ASTN1: variants seen among roughly 807,000 people sequenced by gnomAD.
ASTN1 encodes astrotactin 1, also known as astrotactin-1.
ASTN1 carries 41 observed loss-of-function variants against 140.7 expected under a neutral mutation model. The observed-to-expected ratio is 0.29, with a 90% CI of 0.23 to 0.38. The LOEUF is 0.38. Among genes scored for constraint, ASTN1 ranks in the 10% least tolerant of loss-of-function variants. ASTN1 has a pLI of 1.00. For missense variants in ASTN1, 1,479 were observed against 1,678.8 expected, an observed-to-expected ratio of 0.88 and a Z score of 2.08; for synonymous variants, 640 against 652.2, an observed-to-expected ratio of 0.98 and a Z score of 0.29.
chr1:177,133,896 G>A (rs2102208635), intron 1 of ASTN1, among the ~76,000 whole-genome samples: 1 of 152,302 alleles, frequency 6.6e-6, no homozygotes, highest in African/African-American at 2.4e-5. Flanking sequence ...AATTCATTCA[G>A]ACATTTATTT....
intron 14 of ASTN1, among the ~76,000 whole-genome samples, chr1:176,938,613 G>A (rs1044338137): frequency 6.6e-6 from 1 of 152,178 alleles, no homozygotes; most frequent in Non-Finnish European, 1.5e-5. Context: ...GGATCTTTCA[G>A]TTCCCAGTTG....
intron 1 of ASTN1, among the ~76,000 whole-genome samples, chr1:177,149,778 G>A (rs1284573800): frequency 2.2e-5 from 2 of 92,914 alleles, no homozygotes; most frequent in Non-Finnish European, 3.8e-5. Context: ...TATATACATA[G>A]TAAATATATA....
rs142410832 is a variant in ASTN1, at chr1:177,052,192, C to T, written c.471+8886G>A. ...CCTCGGTCTTTTCCCTAAGCACAATCCTCTAGGACTCCTCTGAGAGGCTGC... is the reference window on the plus strand; with the variant it reads ...CCTCGGTCTTTTCCCTAAGCACAATTCTCTAGGACTCCTCTGAGAGGCTGC... On this transcript the variant is annotated intron_variant, in intron 2 of 22. Transcript: ENST00000361833. Among the ~76,000 whole-genome samples the T allele has an allele frequency of 3.3e-3, 502 of 152,244 alleles. 1 individual carries two copies. The highest frequency in any genetic ancestry group is 4.6e-3 in the Non-Finnish European group (312 of 68,026).
chr1:176,878,817 A>C (rs1668671371), intron 20 of ASTN1, among the ~76,000 whole-genome samples: 1 of 151,744 alleles, frequency 6.6e-6, no homozygotes, highest in South Asian at 2.1e-4. Context: ...TCCCCCTCAT[A>C]CCCGTGTTTC....
chr1:176,904,674 T>G (rs970648906), intron 16 of ASTN1, among the ~76,000 whole-genome samples: 8 of 152,140 alleles, frequency 5.3e-5, no homozygotes, highest in Admixed American at 5.2e-4. Context: ...CTTGGGAGGC[T>G]GAGCTGAGAA....
At chr1:177,158,558 A>G (rs1299365912) in intron 1 of ASTN1, among the ~76,000 whole-genome samples, 4 of 152,088 alleles carry the variant, frequency 2.6e-5, no homozygotes, top group South Asian at 4.1e-4. Flanking sequence ...TCCCTGCTGA[A>G]AAGTTGCCAG....
chr1:177,006,740 G>A (rs964659812), intron 8 of ASTN1, among the ~76,000 whole-genome samples: 22 of 152,058 alleles, frequency 1.4e-4, no homozygotes, highest in African/African-American at 5.3e-4. Context: ...AAGTCTCTTG[G>A]TGCCGTGACT....
At chr1:176,888,635 C>T (rs900425971) in intron 17 of ASTN1, among the ~76,000 whole-genome samples, 1 of 152,230 alleles carries the variant, frequency 6.6e-6, no homozygotes, top group Non-Finnish European at 1.5e-5. Context: ...TATCTACCTG[C>T]CCCAGTATTC....
At chr1:176,865,932 A>G (rs1668114956) in intron 22 of ASTN1, among the ~76,000 whole-genome samples, 1 of 152,196 alleles carries the variant, frequency 6.6e-6, no homozygotes, top group Admixed American at 6.5e-5. Flanking sequence ...CTTATTCACT[A>G]TCACAAGGAT....
chr1:177,020,941 G>A (rs776191702), intron 7 of ASTN1, among the ~76,000 whole-genome samples: 10 of 152,154 alleles, frequency 6.6e-5, no homozygotes, highest in African/African-American at 2.4e-4. Flanking sequence ...AGTATGGCTG[G>A]GAAAGCACAT....
In ASTN1 at chr1:177,030,930, T is replaced by C. The variant is rs1676405838; in HGVS notation, c.888A>G (p.Ser296=). 3 of 1,613,478 alleles carry C rather than the reference T, an allele frequency of 1.9e-6. No individual in the cohort carries two copies. The highest frequency in any genetic ancestry group is 8.5e-7 in the Non-Finnish European group (1 of 1,179,766). ...TATTATCTTTATACTTGTTCATCAG[T>C]GACAGCTTGGCATTGTCACTTCCTG... ...LTPGSDNAKL[S]LMNKYKDNII... is the part of the protein sequence containing the mutation. The change falls in exon 4 of 23, where the codon TCA becomes TCG. Residue 296 remains serine (S), a synonymous_variant. Coordinates refer to ENST00000361833, the MANE Select transcript of ASTN1 (RefSeq NM_004319.3).
intron 1 of ASTN1, among the ~76,000 whole-genome samples, chr1:177,073,785 C>A (rs752949890): frequency 6.6e-6 from 1 of 151,490 alleles, no homozygotes; most frequent in African/African-American, 2.4e-5. Flanking sequence ...CCTCTGAAAA[C>A]TTTATGCCTC....
intron 5 of ASTN1, among the ~76,000 whole-genome samples, chr1:177,026,886 A>C (rs1474895872): frequency 1.3e-5 from 2 of 152,108 alleles, no homozygotes; most frequent in Non-Finnish European, 2.9e-5. Context: ...CCTATCCTGC[A>C]TGTTGTCCCT....
chr1:176,922,965 C>A (rs868662211), intron 16 of ASTN1, among the ~76,000 whole-genome samples: 1 of 152,096 alleles, frequency 6.6e-6, no homozygotes, highest in Non-Finnish European at 1.5e-5. Flanking sequence ...AGATATTGCG[C>A]TTTATGTATA....
intron 2 of ASTN1, among the ~76,000 whole-genome samples, chr1:177,047,753 A>G (rs1468153529): frequency 1.3e-5 from 2 of 152,190 alleles, no homozygotes; most frequent in Non-Finnish European, 2.9e-5. Context: ...AGGCACAAGA[A>G]GAGGATCCCA....
intron 14 of ASTN1, among the ~76,000 whole-genome samples, chr1:176,937,917 T>C (rs1557974026): frequency 6.6e-6 from 1 of 152,210 alleles, no homozygotes; most frequent in Non-Finnish European, 1.5e-5. Flanking sequence ...ATTAATTAGC[T>C]GCTTGTCAAC....
rs1373672296 is a variant in ASTN1 at position 176,894,699 on chromosome 1, T to C, written c.2803A>G (p.Ser935Gly). ...CAGGACGAGGGGCATCGTCCCTTGCTGTGGCACTCCATGCGGACTCCAGCC... is the reference window on the plus strand; with the variant it reads ...CAGGACGAGGGGCATCGTCCCTTGCCGTGGCACTCCATGCGGACTCCAGCC... ...MAAGVRMECH[S>G]KGRCPSSCPL... The change falls in exon 17 of 23, where the codon AGC (serine) becomes GGC (glycine). Residue 935 changes from serine to glycine, a missense_variant. Coordinates refer to ENST00000361833, the MANE Select transcript of ASTN1 (RefSeq NM_004319.3). The C allele has an allele frequency of 1.2e-6, 2 of 1,614,056 alleles. No homozygotes were observed. The highest frequency in any genetic ancestry group is 1.7e-5 in the Admixed American group (1 of 60,006).
chr1:177,061,632 A>G (rs140197519), intron 1 of ASTN1, among the ~76,000 whole-genome samples: 13 of 152,288 alleles, frequency 8.5e-5, no homozygotes, highest in African/African-American at 2.9e-4. Context: ...CCTCTTGTAA[A>G]TTTGAAAGTA....
rs368203299 is a variant in ASTN1 at position 176,875,900 on chromosome 1, T to C, written c.3463+637A>G. Among the ~76,000 whole-genome samples the C allele has an allele frequency of 1.4e-4, 22 of 152,292 alleles. No individual in the cohort carries two copies. In the South Asian group the frequency reaches 4.6e-3, roughly 32 times the overall value. On this transcript the variant is annotated intron_variant, in intron 21 of 22. Coordinates refer to ENST00000361833, the MANE Select transcript of ASTN1 (RefSeq NM_004319.3). ...GGTGTAAAAACCTTAGAACAGGGGATGATGTCAAGACCAGCCCGGTATTGT... is the reference window on the plus strand; with the variant it reads ...GGTGTAAAAACCTTAGAACAGGGGACGATGTCAAGACCAGCCCGGTATTGT...
Sources: allele counts gnomAD v4.1 joint callset (sites outside exome capture counted in the v4.1 genomes callset), GRCh38; gene constraint gnomAD v4.1.1; transcripts MANE v1.5; gene names NCBI Gene and HGNC (gene_info 2026-07-23, HGNC 2026-07-21).